The following KCNIP4 variants were observed in gnomAD, a reference collection of about 807,000 sequenced individuals.
KCNIP4 encodes potassium voltage-gated channel interacting protein 4, also known as Kv channel-interacting protein 4.
Under a neutral mutation model 34.0 loss-of-function variants are expected in KCNIP4, and 12 were observed. The observed-to-expected ratio is 0.35, with a 90% CI of 0.23 to 0.57. The LOEUF is 0.57. Ranked by LOEUF, KCNIP4 falls within the 20% of genes least tolerant of loss-of-function variation. KCNIP4 has a pLI of 0.83. For missense variants in KCNIP4, 238 were observed against 311.7 expected, an observed-to-expected ratio of 0.76 and a Z score of 1.78; for synonymous variants, 124 against 102.2, an observed-to-expected ratio of 1.21 and a Z score of -1.29.
chr4:21,546,756 T>C (rs551894659), intron 1 of KCNIP4, among the ~76,000 whole-genome samples: 284 of 152,202 alleles, frequency 1.9e-3, no homozygotes, highest in Non-Finnish European at 3.3e-3. Context: ...TATCCATGCA[T>C]ACATTAACAT....
intron 1 of KCNIP4, among the ~76,000 whole-genome samples, chr4:21,424,020 C>T (rs970513335): frequency 1.3e-5 from 2 of 150,820 alleles, no homozygotes; most frequent in African/African-American, 4.9e-5. Context: ...TGGGTTTCAC[C>T]ATGTTGGTCA....
At chr4:21,821,725 T>A (rs1205648607) in intron 1 of KCNIP4, among the ~76,000 whole-genome samples, 2 of 152,140 alleles carry the variant, frequency 1.3e-5, no homozygotes, top group Non-Finnish European at 2.9e-5. Flanking sequence ...AATAATGATG[T>A]TAGATGAATG....
chr4:21,647,769 C>G (rs557024385), intron 1 of KCNIP4, among the ~76,000 whole-genome samples: 32 of 151,176 alleles, frequency 2.1e-4, no homozygotes, highest in Admixed American at 1.8e-3. Context: ...TGGCCCTCAA[C>G]TTACGTACCC....
intron 1 of KCNIP4, among the ~76,000 whole-genome samples, chr4:21,592,990 T>C (rs1471088349): frequency 2.0e-5 from 3 of 152,136 alleles, no homozygotes; most frequent in Admixed American, 2.0e-4. Context: ...TTTATTGAAA[T>C]TGCAATATTA....
chr4:20,986,328 C>T (rs1736575156), intron 1 of KCNIP4, among the ~76,000 whole-genome samples: 1 of 152,150 alleles, frequency 6.6e-6, no homozygotes, highest in Non-Finnish European at 1.5e-5. Context: ...ATCCTTGTAT[C>T]CACCTGCCCA....
At chr4:21,302,552 A>G (rs1206676819) in intron 1 of KCNIP4, among the ~76,000 whole-genome samples, 3 of 152,252 alleles carry the variant, frequency 2.0e-5, no homozygotes, top group African/African-American at 7.2e-5. Flanking sequence ...ACATGAAGTC[A>G]GTTTTAAAGA....
intron 1 of KCNIP4, among the ~76,000 whole-genome samples, chr4:21,641,689 T>C (rs1250742818): frequency 2.0e-5 from 3 of 152,152 alleles, no homozygotes; most frequent in Admixed American, 6.6e-5. Context: ...AATAATCACA[T>C]AGATAGGATG....
chr4:21,794,670 G>A (rs972729686), intron 1 of KCNIP4, among the ~76,000 whole-genome samples: 1 of 152,076 alleles, frequency 6.6e-6, no homozygotes, highest in African/African-American at 2.4e-5. Flanking sequence ...CAGGCAGGTT[G>A]CCTGAGGTCA....
At chr4:21,870,363 G>A (rs12504827) in intron 1 of KCNIP4, among the ~76,000 whole-genome samples, 60,652 of 151,890 alleles carry the variant, frequency 0.4, 12,577 homozygotes, top group Non-Finnish European at 0.46. Context: ...GCCTTGTGGG[G>A]GCTAGGGATT....
chr4:20,993,868 A>G (rs1737304324), intron 1 of KCNIP4, among the ~76,000 whole-genome samples: 1 of 152,116 alleles, frequency 6.6e-6, no homozygotes. Flanking sequence ...CCACGTTCCT[A>G]TTGGAGGATC....
chr4:21,330,931 G>T (rs970049220), intron 1 of KCNIP4, among the ~76,000 whole-genome samples: 3 of 152,092 alleles, frequency 2.0e-5, no homozygotes, highest in Admixed American at 1.3e-4. Flanking sequence ...ACTCATTGGT[G>T]CAGAAAGCTA....
At chr4:21,196,811 T>C (rs1756089339) in intron 1 of KCNIP4, among the ~76,000 whole-genome samples, 1 of 152,158 alleles carries the variant, frequency 6.6e-6, no homozygotes, top group African/African-American at 2.4e-5. Flanking sequence ...AACATTGAGG[T>C]AGAAAATACA....
At chr4:21,117,304 G>GT (rs953858207) in intron 1 of KCNIP4, among the ~76,000 whole-genome samples, 2 of 28,502 alleles carry the variant, frequency 7.0e-5, no homozygotes, top group Non-Finnish European at 1.2e-4. Context: ...GGTTGCCGGG[G>GT]GGGGGGGGGG....
chr4:21,766,013 T>A, intron 1 of KCNIP4, among the ~76,000 whole-genome samples: 1 of 152,010 alleles, frequency 6.6e-6, no homozygotes, highest in East Asian at 1.9e-4. Context: ...ATAGCAGCAG[T>A]GGACCAGGAT....
chr4:20,812,389 G>A (rs1171077272), intron 3 of KCNIP4, among the ~76,000 whole-genome samples: 1 of 152,080 alleles, frequency 6.6e-6, no homozygotes, highest in African/African-American at 2.4e-5. Context: ...AGGATGGATG[G>A]CTACACGATA....
intron 1 of KCNIP4, among the ~76,000 whole-genome samples, chr4:20,957,216 C>T (rs987809255): frequency 6.6e-6 from 1 of 152,122 alleles, no homozygotes; most frequent in Non-Finnish European, 1.5e-5. Context: ...CACATTCTTC[C>T]TTCAGATTCC....
At chr4:21,348,062 A>C (rs1485591373) in intron 1 of KCNIP4, among the ~76,000 whole-genome samples, 2 of 152,166 alleles carry the variant, frequency 1.3e-5, no homozygotes, top group East Asian at 3.9e-4. Context: ...TCATCCACAC[A>C]TAAAGGCCAG....
intron 1 of KCNIP4, among the ~76,000 whole-genome samples, chr4:21,347,705 A>G (rs1296186507): frequency 1.3e-5 from 2 of 152,208 alleles, no homozygotes; most frequent in Non-Finnish European, 2.9e-5. Flanking sequence ...TGCTTGGCAC[A>G]TTATTTTTAT....
intron 1 of KCNIP4, among the ~76,000 whole-genome samples, chr4:21,179,643 G>C (rs1754697249): frequency 6.6e-6 from 1 of 152,148 alleles, no homozygotes; most frequent in African/African-American, 2.4e-5. Context: ...GGCACATGTG[G>C]GTGTTATGCA....
Sources: gnomAD v4.1 joint callset for allele counts (sites outside exome capture counted in the v4.1 genomes callset) on GRCh38, gnomAD v4.1.1 for gene constraint, MANE v1.5 for transcripts, NCBI Gene and HGNC (gene_info 2026-07-23, HGNC 2026-07-21) for gene names.